Variants in LRP1B observed in about 807,000 individuals in gnomAD.
The protein encoded by LRP1B is LDL receptor related protein 1B.
In LRP1B, 217 loss-of-function variants were observed where a neutral mutation model predicts 556.6. The ratio of observed to expected loss-of-function variants is 0.39; its 90% CI spans 0.35 to 0.44. LRP1B has a LOEUF of 0.44. Among genes scored for constraint, LRP1B ranks in the 20% least tolerant of loss-of-function variants. The pLI is 1.00. For missense variants in LRP1B, 5,053 were observed against 5,620.8 expected (o/e 0.90, Z 3.23); for synonymous variants, 2,047 against 1,865.8 (o/e 1.10, Z -2.50).
At chr2:141,155,625 A>G (rs987714415) in intron 7 of LRP1B, among the ~76,000 whole-genome samples, 2 of 151,992 alleles carry the variant, frequency 1.3e-5, no homozygotes, top group East Asian at 3.9e-4. Context: ...TTATACATCA[A>G]TAACTCACAT....
intron 35 of LRP1B, among the ~76,000 whole-genome samples, chr2:140,761,527 G>A (rs571577676): frequency 6.6e-6 from 1 of 152,262 alleles, no homozygotes; most frequent in Admixed American, 6.5e-5. Context: ...TCCATTTTGT[G>A]AATGCCTTCT....
intron 1 of LRP1B, among the ~76,000 whole-genome samples, chr2:142,030,883 C>T (rs1240498756): frequency 6.6e-6 from 1 of 151,840 alleles, no homozygotes; most frequent in Non-Finnish European, 1.5e-5. Context: ...TTTTCCCAGC[C>T]ACAATTTATT....
intron 78 of LRP1B, among the ~76,000 whole-genome samples, chr2:140,334,804 A>G (rs1680986350): frequency 6.6e-6 from 1 of 152,080 alleles, no homozygotes; most frequent in Non-Finnish European, 1.5e-5. Context: ...GATGTACTAC[A>G]GCTCATTATT....
At position 142,075,900 on chromosome 2, in the gene LRP1B, TTGTC is replaced by T. The variant is rs554660780; in HGVS notation, c.82+54744_82+54747del. ...GCCCATAGGGGCTTGACTAAGAAAA[TTGTC>T]TGAATCAAATTTCAGTCTGAATCTA... On this transcript the variant is annotated intron_variant, in intron 1 of 90. Transcript: ENST00000389484. Among the ~76,000 whole-genome samples the T allele has an allele frequency of 3.1e-3, 471 of 152,208 alleles. 3 individuals are homozygous for T. Among genetic ancestry groups the T allele is most frequent in the Non-Finnish European group, 5.1e-3 (345 of 67,990 alleles).
intron 6 of LRP1B, among the ~76,000 whole-genome samples, chr2:141,200,563 A>G (rs982607300): frequency 6.6e-6 from 1 of 152,048 alleles, no homozygotes; most frequent in African/African-American, 2.4e-5. Context: ...AGTTTTTCAG[A>G]AAGGACTCCA....
intron 2 of LRP1B, among the ~76,000 whole-genome samples, chr2:141,504,686 G>A (rs143873348): frequency 2.0e-5 from 3 of 152,200 alleles, no homozygotes; most frequent in Admixed American, 1.3e-4. Context: ...GAACACTCTG[G>A]AACTCAAGGG....
chr2:141,711,653 C>T (rs895998083), intron 2 of LRP1B, among the ~76,000 whole-genome samples: 1 of 152,124 alleles, frequency 6.6e-6, no homozygotes, highest in Non-Finnish European at 1.5e-5. Context: ...AGATGTTAAA[C>T]TTACATAAAA....
chr2:140,564,880 C>T (rs567229912), intron 43 of LRP1B, among the ~76,000 whole-genome samples: 1 of 152,144 alleles, frequency 6.6e-6, no homozygotes, highest in South Asian at 2.1e-4. Flanking sequence ...AGCATTTCAG[C>T]ATAACTTAAA....
intron 2 of LRP1B, among the ~76,000 whole-genome samples, chr2:141,732,068 A>G (rs938318526): frequency 1.3e-5 from 2 of 152,086 alleles, no homozygotes; most frequent in Non-Finnish European, 2.9e-5. Context: ...GGTATTTTTC[A>G]AGGTAACCTC....
intron 12 of LRP1B, among the ~76,000 whole-genome samples, chr2:141,016,343 G>A (rs1697899761): frequency 6.6e-6 from 1 of 152,088 alleles, no homozygotes; most frequent in Non-Finnish European, 1.5e-5. Context: ...CCACGGCACA[G>A]TTAATGATCT....
chr2:140,407,652 GATC>G (rs770704767), intron 66 of LRP1B, among the ~76,000 whole-genome samples: 2 of 152,138 alleles, frequency 1.3e-5, no homozygotes, highest in Non-Finnish European at 2.9e-5. Flanking sequence ...CTATAAGAAT[GATC>G]ATAATTAAAA....
intron 3 of LRP1B, among the ~76,000 whole-genome samples, chr2:141,392,808 A>T (rs1034569156): frequency 1.1e-4 from 16 of 152,180 alleles, no homozygotes; most frequent in African/African-American, 3.9e-4. Flanking sequence ...CTGTCGAGTC[A>T]TGTATCCTAT....
At chr2:141,003,516 T>C (rs997802366) in intron 15 of LRP1B, among the ~76,000 whole-genome samples, 3 of 152,046 alleles carry the variant, frequency 2.0e-5, no homozygotes, top group South Asian at 2.1e-4. Context: ...GTCTTTCTCA[T>C]GTTGTTCTCA....
At chr2:141,455,092 C>T (rs767358173) in intron 3 of LRP1B, among the ~76,000 whole-genome samples, 6 of 151,994 alleles carry the variant, frequency 3.9e-5, no homozygotes, top group Non-Finnish European at 8.8e-5. Context: ...AGAACTTTTG[C>T]AAACATGAAT....
chr2:141,146,037 G>T (rs1310551080), intron 7 of LRP1B, among the ~76,000 whole-genome samples: 1 of 145,808 alleles, frequency 6.9e-6, no homozygotes, highest in Non-Finnish European at 1.5e-5. Flanking sequence ...CGATTCTCCT[G>T]CCTCAGCCTC....
chr2:140,345,916 A>C, intron 77 of LRP1B, among the ~76,000 whole-genome samples: 1 of 147,718 alleles, frequency 6.8e-6, no homozygotes. Context: ...CTCAGCTCAA[A>C]TCTCCTCTCT....
At chr2:142,128,400 T>A (rs1392668085) in intron 1 of LRP1B, among the ~76,000 whole-genome samples, 2 of 152,222 alleles carry the variant, frequency 1.3e-5, no homozygotes, top group African/African-American at 4.8e-5. Flanking sequence ...TCAAGGACGA[T>A]TGACATAAGC....
intron 2 of LRP1B, among the ~76,000 whole-genome samples, chr2:141,493,460 G>C (rs566919949): frequency 6.6e-6 from 1 of 152,108 alleles, no homozygotes; most frequent in African/African-American, 2.4e-5. Context: ...GAAATATACT[G>C]TACAGGTCAT....
intron 1 of LRP1B, among the ~76,000 whole-genome samples, chr2:142,052,743 C>T (rs1704507073): frequency 6.6e-6 from 1 of 152,036 alleles, no homozygotes; most frequent in Admixed American, 6.6e-5. Flanking sequence ...TGTTTTCAAG[C>T]TTCTTTAACA....
Sources: allele counts gnomAD v4.1 joint callset (sites outside exome capture counted in the v4.1 genomes callset), GRCh38; gene constraint gnomAD v4.1.1; transcripts MANE v1.5; gene names NCBI Gene and HGNC (gene_info 2026-07-23, HGNC 2026-07-21).